NRXN1: variants seen among roughly 807,000 people sequenced by gnomAD.
NRXN1 encodes neurexin-1.
NRXN1 carries 39 observed loss-of-function variants against 150.9 expected under a neutral mutation model. The observed-to-expected ratio is 0.26, with a 90% CI of 0.20 to 0.34. NRXN1 has a LOEUF of 0.34. NRXN1 is among the 10% of genes least tolerant of loss of function. NRXN1 has a pLI of 1.00. For synonymous variants in NRXN1, 924 were observed against 757.0 expected (o/e 1.22, Z -3.62); for missense variants, 1,815 against 1,949.9 (o/e 0.93, Z 1.30).
At chr2:50,628,093 G>A (rs1681503055) in intron 5 of NRXN1, among the ~76,000 whole-genome samples, 2 of 151,752 alleles carry the variant, frequency 1.3e-5, no homozygotes, top group South Asian at 4.1e-4. Context: ...TAAGAAGGCT[G>A]TAGAATTTTA....
intron 5 of NRXN1, among the ~76,000 whole-genome samples, chr2:50,632,029 G>A (rs1005745003): frequency 7.3e-5 from 11 of 151,706 alleles, no homozygotes; most frequent in South Asian, 2.1e-4. Context: ...TAATAAATAA[G>A]TAAATTATAA....
intron 17 of NRXN1, among the ~76,000 whole-genome samples, chr2:50,304,617 G>C (rs1476914491): frequency 1.3e-5 from 2 of 152,148 alleles, no homozygotes; most frequent in Non-Finnish European, 2.9e-5. Context: ...GAGGAAAGCA[G>C]TTTTACAGAG....
intron 5 of NRXN1, among the ~76,000 whole-genome samples, chr2:50,868,181 A>G (rs1677234517): frequency 9.9e-6 from 1 of 100,534 alleles, no homozygotes; most frequent in African/African-American, 3.3e-5. Flanking sequence ...ATATATATAT[A>G]TATATATGCA....
intron 17 of NRXN1, among the ~76,000 whole-genome samples, chr2:50,248,200 A>C (rs1472858468): frequency 6.6e-6 from 1 of 152,024 alleles, no homozygotes; most frequent in Admixed American, 6.6e-5. Context: ...ATTTTCTTAG[A>C]GATAAGGTCT....
At chr2:50,068,602 A>G (rs1695727388) in intron 19 of NRXN1, among the ~76,000 whole-genome samples, 1 of 152,184 alleles carries the variant, frequency 6.6e-6, no homozygotes, top group Admixed American at 6.5e-5. Context: ...TAAAACAGAT[A>G]TTTGTAAGAA....
At position 49,920,137 on chromosome 2, in the gene NRXN1, A is replaced by T. The variant is rs968883298; in HGVS notation, c.*1807T>A. On this transcript the variant is annotated 3_prime_UTR_variant, in exon 23 of 23. Transcript: ENST00000401669. ...ATTGAATAATATGCAAAACAAGTGT[A>T]TAATCTATACTTTTCCACTACTTAA... 2 of 152,288 alleles carry T rather than the reference A, an allele frequency of 1.3e-5. No individual in the cohort carries two copies. The highest frequency in any genetic ancestry group is 3.4e-3 in the Middle Eastern group (1 of 294). 9.4% of individuals were successfully genotyped at this position (152,288 alleles called of 1,614,324 possible).
chr2:50,683,646 A>AAAAAAAAAAAAAAAAAAAATATAT, intron 5 of NRXN1, among the ~76,000 whole-genome samples: 3 of 14,904 alleles, frequency 2.0e-4, no homozygotes, highest in African/African-American at 3.6e-4. Flanking sequence ...AAAAAAAAAA[A>AAAAAAAAAAAAAAAAAAAATATAT]ATATATATAT....
chr2:50,406,709 G>C (rs1432098704), intron 17 of NRXN1, among the ~76,000 whole-genome samples: 2 of 152,098 alleles, frequency 1.3e-5, no homozygotes, highest in African/African-American at 2.4e-5. Flanking sequence ...ATTTAATACA[G>C]AGAGAGACAG....
chr2:49,969,198 A>C (rs2152493170), intron 21 of NRXN1, among the ~76,000 whole-genome samples: 1 of 152,216 alleles, frequency 6.6e-6, no homozygotes, highest in South Asian at 2.1e-4. Flanking sequence ...ACATAGACAC[A>C]CATTTTATAC....
At chr2:50,078,967 A>C (rs567394512) in intron 19 of NRXN1, among the ~76,000 whole-genome samples, 25 of 152,202 alleles carry the variant, frequency 1.6e-4, no homozygotes, top group African/African-American at 6.0e-4. Flanking sequence ...TCCCGACTTC[A>C]ACAATTTTTA....
At chr2:50,232,190 G>A (rs2065002775) in intron 18 of NRXN1, among the ~76,000 whole-genome samples, 1 of 151,858 alleles carries the variant, frequency 6.6e-6, no homozygotes, top group Middle Eastern at 3.2e-3. Flanking sequence ...CAGCTAGCTT[G>A]TTCATTCATT....
chr2:50,133,513 T>C (rs1011357412), intron 18 of NRXN1, among the ~76,000 whole-genome samples: 3 of 152,140 alleles, frequency 2.0e-5, no homozygotes, highest in Non-Finnish European at 2.9e-5. Context: ...GACAGACTCT[T>C]CTTTAGGTCC....
At chr2:49,979,397 C>A (rs536072465) in intron 21 of NRXN1, among the ~76,000 whole-genome samples, 1 of 152,164 alleles carries the variant, frequency 6.6e-6, no homozygotes, top group Non-Finnish European at 1.5e-5. Flanking sequence ...TATTAAGGCA[C>A]GGAGAGCCTT....
intron 17 of NRXN1, among the ~76,000 whole-genome samples, chr2:50,243,525 A>G (rs1382062959): frequency 6.6e-6 from 1 of 151,836 alleles, no homozygotes; most frequent in Non-Finnish European, 1.5e-5. Context: ...TTGTGAGCAC[A>G]CTATTTTCTT....
At position 51,017,503 on chromosome 2, in the gene NRXN1, CTTTTTTTTTTTTTT is replaced by C. The variant is rs70958638; in HGVS notation, c.772+9985_772+9998del. ...ATACACGTATGGCCACCACATCTGG[CTTTTTTTTTTTTTT>C]TTTTTTTTTTTTTTTTTTTTTTAGA... On this transcript the variant is annotated intron_variant, in intron 2 of 22. Transcript: ENST00000401669. Among the ~76,000 whole-genome samples the C allele has an allele frequency of 1.8e-4, 8 of 44,320 alleles. No homozygotes were observed. The East Asian group carries it at 2.9e-3, about 16-fold the overall frequency. The allele number at this position is 44,320 out of a possible 152,430, so 29.1% of individuals were successfully genotyped here.
intron 15 of NRXN1, among the ~76,000 whole-genome samples, chr2:50,489,571 G>A (rs1306763940): frequency 6.9e-6 from 1 of 145,560 alleles, no homozygotes; most frequent in East Asian, 1.9e-4. Flanking sequence ...TCTCTCATCT[G>A]TAAAAGGAAT....
intron 5 of NRXN1, among the ~76,000 whole-genome samples, chr2:50,708,420 T>C (rs1331890137): frequency 1.3e-5 from 2 of 152,210 alleles, no homozygotes; most frequent in African/African-American, 2.4e-5. Context: ...TATTGGCCAA[T>C]TAACTTTCTA....
At position 49,920,971 on chromosome 2, in the gene NRXN1, TA is replaced by T. The variant is rs1371161066; in HGVS notation, c.*972del. On this transcript the variant is annotated 3_prime_UTR_variant, in exon 23 of 23. Coordinates refer to ENST00000401669, the MANE Select transcript of NRXN1 (RefSeq NM_001330078.2). Reference sequence around the variant, plus strand: ...ACTACACTGTAATTTCTTTAAAAAATAAAAGTAATTGTGGCAATTTATAATG... The same window carrying T: ...ACTACACTGTAATTTCTTTAAAAAATAAAGTAATTGTGGCAATTTATAATG... The T allele has an allele frequency of 9.3e-6, 1 of 107,716 alleles. No individual in the cohort carries two copies. Among genetic ancestry groups the T allele is most frequent in the Non-Finnish European group, 2.0e-5 (1 of 50,650 alleles). 6.7% of individuals were successfully genotyped at this position (107,716 alleles called of 1,614,324 possible).
chr2:50,516,376 G>C (rs963215936), intron 12 of NRXN1, among the ~76,000 whole-genome samples: 1 of 152,112 alleles, frequency 6.6e-6, no homozygotes. Flanking sequence ...TATAAGTTTT[G>C]TGCTTATTTA....
Sources: allele counts gnomAD v4.1 joint callset (sites outside exome capture counted in the v4.1 genomes callset), GRCh38; gene constraint gnomAD v4.1.1; transcripts MANE v1.5; gene names NCBI Gene and HGNC (gene_info 2026-07-23, HGNC 2026-07-21).